Variants in AKAP9 observed in about 807,000 individuals in gnomAD.
AKAP9 encodes the protein A-kinase anchor protein 9.
AKAP9 carries 311 observed loss-of-function variants against 488.5 expected under a neutral mutation model. The ratio of observed to expected loss-of-function variants is 0.64; its 90% CI spans 0.58 to 0.70. The LOEUF is 0.70. Ranked by LOEUF, AKAP9 falls within the 30% of genes least tolerant of loss-of-function variation. The pLI, the probability that AKAP9 is intolerant of heterozygous loss-of-function variation, is 0.00. For missense variants in AKAP9, 4,215 were observed against 4,374.5 expected (o/e 0.96, Z 1.03); for synonymous variants, 1,462 against 1,483.5 (o/e 0.99, Z 0.33).
At chr7:92,099,588 A>G (rs1217246498) in intron 43 of AKAP9, 99 bp from the exon 44 acceptor site, 19 of 1,158,444 alleles carry the variant, frequency 1.6e-5, no homozygotes, top group South Asian at 2.5e-5. Flanking sequence ...TCAAGCACCA[A>G]TTCATGAATT....
rs558836478 is a variant in AKAP9, at chr7:92,079,004, C to T, written c.6946-75C>T. On this transcript the variant is annotated intron_variant, in intron 30 of 49. Transcript: ENST00000356239. ...GTGTGATCATCTCTTTGAGGTACTG[C>T]CCTAAAATAAAGTAAAATTTTCAAA... 5.3e-6 allele frequency: 5 copies of T among 947,914 alleles called. No individual in the cohort carries two copies. The South Asian group carries it at 8.7e-5, about 16-fold the overall frequency. 58.7% of individuals were successfully genotyped at this position (947,914 alleles called of 1,614,324 possible). A position where few individuals can be genotyped will look rare whatever the true frequency, so the allele number is the denominator to read the frequency against.
intron 1 of AKAP9, among the ~76,000 whole-genome samples, chr7:91,952,587 G>T (rs1341198284): frequency 7.2e-5 from 11 of 152,170 alleles, no homozygotes; most frequent in Non-Finnish European, 1.6e-4. Context: ...GCTTCCAGAA[G>T]AATGAGACAA....
chr7:92,071,080 T>C, intron 28 of AKAP9, 71 bp downstream of exon 28: 2 of 1,378,716 alleles, frequency 1.5e-6, no homozygotes, highest in African/African-American at 2.9e-5. Flanking sequence ...GAAAATATTA[T>C]TTGAACTGAA....
chr7:92,041,098 G>A (rs1806034981), intron 18 of AKAP9, 200 bp downstream of exon 18: 1 of 534,598 alleles, frequency 1.9e-6, no homozygotes, highest in African/African-American at 1.9e-5. Flanking sequence ...GATCTTGTTA[G>A]GGACACCTAT....
Position 92,028,326 on chromosome 7 carries a change from A to G in AKAP9, c.4149-1569A>G, listed in dbSNP as rs145030925. Among the ~76,000 whole-genome samples, 1,344 of 146,460 alleles carry G rather than the reference A, an allele frequency of 9.2e-3. 24 individuals are homozygous for G. Among genetic ancestry groups the G allele is most frequent in the African/African-American group, 0.032 (1,271 of 39,658 alleles). Reference sequence around the variant, plus strand: ...AAAAAAAAAAAAAAAAAAAAAAAGAATGAAGTCATTGTGGACTAAGTAGTA... The same window carrying G: ...AAAAAAAAAAAAAAAAAAAAAAAGAGTGAAGTCATTGTGGACTAAGTAGTA... On this transcript the variant is annotated intron_variant, in intron 14 of 49. Transcript: ENST00000356239.
At chr7:91,996,033 A>G (rs1285107191) in intron 7 of AKAP9, 1 of 435,690 alleles carries the variant, frequency 2.3e-6, no homozygotes, top group Non-Finnish European at 4.0e-6. Flanking sequence ...TTAGCAGGAA[A>G]ATACAAATTT....
chr7:92,075,673 C>T (rs1260856555), intron 28 of AKAP9, among the ~76,000 whole-genome samples: 1 of 152,166 alleles, frequency 6.6e-6, no homozygotes, highest in Non-Finnish European at 1.5e-5. Context: ...AATGGGGATA[C>T]TCAGAACAGA....
At chr7:91,941,214 C>G (rs1246358355) in intron 1 of AKAP9, 67 bp downstream of exon 1, 1 of 1,509,674 alleles carries the variant, frequency 6.6e-7, no homozygotes, top group African/African-American at 1.4e-5. Context: ...GGGAGGGGGC[C>G]TGGGAAGCGG....
At position 92,031,590 on chromosome 7, in the gene AKAP9, G is replaced by A; in HGVS notation, c.4324G>A (p.Glu1442Lys). The A allele has an allele frequency of 6.2e-7, 1 of 1,609,104 alleles. No homozygotes were observed. Among genetic ancestry groups the A allele is most frequent in the Non-Finnish European group, 8.5e-7 (1 of 1,175,874 alleles). Residue 1442 changes from glutamate (E) to lysine (K), a missense_variant, in exon 16 of 50, where the codon GAA becomes AAA. By Grantham distance (56) the Glu-to-Lys change is moderately conservative (BLOSUM62 1). This residue lies in a region of AKAP9 where 2,361 missense variants were observed against 2,430.0 expected (regional missense o/e 0.97). Transcript: ENST00000356239. ...LEKQYQEQLE[E>K]EVAKVIVSMS... ...AAAACAATACCAAGAACAATTAGAAGAAGAAGTAGCTAAGGTAGGCTTATA... is the reference window on the plus strand; with the variant it reads ...AAAACAATACCAAGAACAATTAGAAAAAGAAGTAGCTAAGGTAGGCTTATA...
At chr7:91,998,415 G>GCC (rs1797097155) in intron 7 of AKAP9, among the ~76,000 whole-genome samples, 4 of 79,344 alleles carry the variant, frequency 5.0e-5, no homozygotes, top group Admixed American at 1.6e-4. Context: ...CAACCACAGG[G>GCC]CTCTTTTTTT....
intron 12 of AKAP9, among the ~76,000 whole-genome samples, chr7:92,018,865 C>G (rs751546252): frequency 2.6e-5 from 4 of 152,158 alleles, no homozygotes; most frequent in Non-Finnish European, 5.9e-5. Context: ...TCAGATATCT[C>G]TACTCAAAAA....
intron 40 of AKAP9, among the ~76,000 whole-genome samples, chr7:92,095,712 C>T (rs1054224419): frequency 1.3e-5 from 2 of 152,146 alleles, no homozygotes; most frequent in African/African-American, 2.4e-5. Flanking sequence ...CTCACTGGCT[C>T]AGAGCTCTTC....
Position 92,002,052 on chromosome 7 carries a change from C to A in AKAP9, c.2135C>A (p.Ser712Ter). 1 of 1,602,680 alleles carries A rather than the reference C, an allele frequency of 6.2e-7. No individual in the cohort carries two copies. The highest frequency in any genetic ancestry group is 1.1e-5 in the South Asian group (1 of 87,598). ...LKDLQQSLVN[S>*]KSEEMTLQIN... The stretch of plus-strand genomic sequence containing the variant: ...GATTTACAGCAGTCTCTTGTAAATT[C>A]AAAGTCAGAAGAAATGACTCTTCAA... The change falls in exon 8 of 50, where the codon TCA becomes TAA. Residue 712 changes from serine to a stop codon, truncating the protein, a stop_gained. Transcript: ENST00000356239. LOFTEE classifies it high-confidence loss of function.
intron 3 of AKAP9, among the ~76,000 whole-genome samples, chr7:91,984,578 T>C (rs1388311759): frequency 1.3e-5 from 2 of 152,224 alleles, no homozygotes; most frequent in African/African-American, 4.8e-5. Flanking sequence ...CCCCCAGCTT[T>C]GTTCCTTTTG....
chr7:92,108,734 C>A (rs760776381), intron 49 of AKAP9, 101 bp downstream of exon 49: 1 of 1,389,766 alleles, frequency 7.2e-7, no homozygotes, highest in South Asian at 1.2e-5. Flanking sequence ...ATCAAAGCTT[C>A]CAGTTTAGTG....
intron 22 of AKAP9, among the ~76,000 whole-genome samples, chr7:92,059,863 T>C (rs1259747333): frequency 2.0e-5 from 3 of 151,894 alleles, no homozygotes; most frequent in Non-Finnish European, 4.4e-5. Context: ...GGAAAAACTC[T>C]TTCCAGTTAA....
intron 20 of AKAP9, among the ~76,000 whole-genome samples, chr7:92,043,780 T>C (rs1806519627): frequency 6.6e-6 from 1 of 152,228 alleles, no homozygotes; most frequent in East Asian, 1.9e-4. Context: ...ATTTATTATC[T>C]TGTCTTAAAA....
In AKAP9 at chr7:92,079,266, CAGA is replaced by C; in HGVS notation, c.7139_7141del (p.Glu2380del). On this transcript the variant is annotated inframe_deletion, in exon 31 of 50. Transcript: ENST00000356239. ...ACATCAATGAATGCTCATTCCCTCT[CAGA>C]AGAAGCAGACAGTTTAAAACATCAA... 6.2e-7 allele frequency: 1 copy of C among 1,614,052 alleles called. No homozygotes were observed. The highest frequency in any genetic ancestry group is 1.7e-5 in the Admixed American group (1 of 60,026).
At chr7:92,034,700 G>A (rs1205461547) in intron 16 of AKAP9, among the ~76,000 whole-genome samples, 1 of 150,068 alleles carries the variant, frequency 6.7e-6, no homozygotes, top group Non-Finnish European at 1.5e-5. Context: ...GTAGAGATGG[G>A]GTTTCATCAT....
Sources: allele counts gnomAD v4.1 joint callset (sites outside exome capture counted in the v4.1 genomes callset), GRCh38; gene constraint gnomAD v4.1.1; regional missense constraint gnomAD v4.1.1; transcripts MANE v1.5; gene names NCBI Gene and HGNC (gene_info 2026-07-23, HGNC 2026-07-21).